NGF: variants seen among roughly 807,000 people sequenced by gnomAD.
The protein encoded by NGF is nerve growth factor, also known as beta-nerve growth factor.
NGF carries 4 observed loss-of-function variants against 12.8 expected under a neutral mutation model. That is an observed-to-expected ratio of 0.31 (90% confidence interval 0.15 to 0.72). NGF has a LOEUF of 0.72. Ranked by LOEUF, NGF falls within the 30% of genes least tolerant of loss-of-function variation. The pLI is 0.69. For synonymous variants in NGF, 140 were observed against 130.0 expected (o/e 1.08, Z -0.52); for missense variants, 283 against 330.8 (o/e 0.86, Z 1.12).
At chr1:115,305,122 C>T (rs979620469) in intron 1 of NGF, among the ~76,000 whole-genome samples, 14 of 152,032 alleles carry the variant, frequency 9.2e-5, no homozygotes, top group Non-Finnish European at 1.9e-4. Context: ...TTAATTAGTC[C>T]ATTAGCATAA....
chr1:115,294,852 A>G (rs778960256), intron 1 of NGF, among the ~76,000 whole-genome samples: 2 of 152,234 alleles, frequency 1.3e-5, no homozygotes, highest in Non-Finnish European at 2.9e-5. Context: ...CCAGGTCTAC[A>G]GAGACACAGC....
At chr1:115,335,426 G>A (rs541897388) in intron 1 of NGF, among the ~76,000 whole-genome samples, 209 of 152,302 alleles carry the variant, frequency 1.4e-3, no homozygotes, top group African/African-American at 4.7e-3. Flanking sequence ...TCTCAAAATG[G>A]TCCACCACAG....
intron 2 of NGF, among the ~76,000 whole-genome samples, chr1:115,292,142 GT>G (rs913838768): frequency 1.1e-4 from 17 of 152,180 alleles, no homozygotes; most frequent in Admixed American, 7.9e-4. Flanking sequence ...ACTCTTGGGG[GT>G]TGGAGCTGGT....
At chr1:115,295,278 A>G (rs1463694156) in intron 1 of NGF, among the ~76,000 whole-genome samples, 1 of 152,180 alleles carries the variant, frequency 6.6e-6, no homozygotes, top group Non-Finnish European at 1.5e-5. Context: ...GGATGTCTCC[A>G]TTCTTCTTCC....
chr1:115,313,842 A>G (rs1654400897), intron 1 of NGF, among the ~76,000 whole-genome samples: 1 of 152,208 alleles, frequency 6.6e-6, no homozygotes, highest in South Asian at 2.1e-4. Context: ...CCATTTTTGC[A>G]AGTAGCTTTG....
At chr1:115,313,457 C>T (rs11102922) in intron 1 of NGF, among the ~76,000 whole-genome samples, 81,892 of 152,072 alleles carry the variant, frequency 0.54, 23,306 homozygotes, top group Non-Finnish European at 0.64. Flanking sequence ...TCTGCACTTG[C>T]TTTAATTTTG....
chr1:115,301,886 T>C (rs927139788), intron 1 of NGF, among the ~76,000 whole-genome samples: 1 of 152,224 alleles, frequency 6.6e-6, no homozygotes, highest in African/African-American at 2.4e-5. Flanking sequence ...GCATCTTTGC[T>C]TAAGTAATTG....
intron 1 of NGF, among the ~76,000 whole-genome samples, chr1:115,303,735 C>T (rs1473010198): frequency 1.3e-5 from 2 of 152,182 alleles, no homozygotes; most frequent in East Asian, 1.9e-4. Flanking sequence ...CCATCACTTC[C>T]AAAGGGTTAA....
At chr1:115,319,645 A>T (rs1276816748) in intron 1 of NGF, among the ~76,000 whole-genome samples, 3 of 152,220 alleles carry the variant, frequency 2.0e-5, no homozygotes, top group Non-Finnish European at 4.4e-5. Context: ...AATCATACAT[A>T]GTATGAACTC....
At chr1:115,315,461 G>A (rs1353525916) in intron 1 of NGF, among the ~76,000 whole-genome samples, 1 of 152,152 alleles carries the variant, frequency 6.6e-6, no homozygotes, top group Admixed American at 6.5e-5. Flanking sequence ...AGGAGTGAGG[G>A]AACAGGGGGA....
chr1:115,301,738 C>T (rs573491574), intron 1 of NGF, among the ~76,000 whole-genome samples: 9 of 152,298 alleles, frequency 5.9e-5, no homozygotes, highest in African/African-American at 1.4e-4. Context: ...CAAACTGAAA[C>T]GTTTGTTTTT....
At chr1:115,321,748 C>A (rs956292900) in intron 1 of NGF, among the ~76,000 whole-genome samples, 2 of 152,096 alleles carry the variant, frequency 1.3e-5, no homozygotes, top group African/African-American at 4.8e-5. Context: ...GCCTGACAGC[C>A]AGCTCTGTAG....
rs1384618405 is a variant in NGF at position 115,286,503 on chromosome 1, G to A, written c.293C>T (p.Ala98Val). The A allele has an allele frequency of 6.2e-7, 1 of 1,614,174 alleles. No individual in the cohort carries two copies. Among genetic ancestry groups the A allele is most frequent in the South Asian group, 1.1e-5 (1 of 91,072 alleles). ...LFSTQPPREA[A>V]DTQDLDFEVG... ...CTCGAAGTCCAGATCCTGAGTGTCTGCAGCTTCACGGGGAGGCTGGGTGCT... is the reference window on the plus strand; with the variant it reads ...CTCGAAGTCCAGATCCTGAGTGTCTACAGCTTCACGGGGAGGCTGGGTGCT... Residue 98 changes from alanine (A) to valine (V), a missense_variant, in exon 3 of 3, where the codon GCA (alanine) becomes GTA (valine). Physicochemically the swap from Ala to Val is moderately conservative, Grantham distance 64. Around this residue, in one of 2 missense-constraint regions of NGF, gnomAD observed 151 missense variants for 141.6 expected, o/e 1.07. Coordinates refer to ENST00000369512, the MANE Select transcript of NGF (RefSeq NM_002506.3).
At chr1:115,322,527 C>G (rs370877044) in intron 1 of NGF, among the ~76,000 whole-genome samples, 2 of 152,118 alleles carry the variant, frequency 1.3e-5, no homozygotes, top group South Asian at 2.1e-4. Flanking sequence ...ACTGTCCCCC[C>G]CTAAATTGTG....
At chr1:115,337,945 G>A (rs1557951250) in intron 1 of NGF, among the ~76,000 whole-genome samples, 1 of 152,340 alleles carries the variant, frequency 6.6e-6, no homozygotes, top group East Asian at 1.9e-4. Context: ...CTGGACTGCA[G>A]GCCATCCTGG....
At chr1:115,314,251 A>G (rs532199254) in intron 1 of NGF, among the ~76,000 whole-genome samples, 2 of 152,170 alleles carry the variant, frequency 1.3e-5, no homozygotes, top group Admixed American at 6.5e-5. Context: ...CTTGGATCCA[A>G]TCGACCCTTC....
At position 115,286,622 on chromosome 1, in the gene NGF, C is replaced by T. The variant is rs147326889; in HGVS notation, c.174G>A (p.Ala58=). 43 of 1,614,236 alleles carry T rather than the reference C, an allele frequency of 2.7e-5. 1 individual carries two copies. The Middle Eastern group carries it at 1.8e-3, about 68-fold the overall frequency. The change falls in exon 3 of 3, where the codon GCG becomes GCA. Residue 58 remains alanine (A), a synonymous_variant. Transcript: ENST00000369512. ...LRRARSAPAA[A]IAARVAGQTR... ...TCTGCCCCGCCACGCGTGCAGCTAT[C>T]GCCGCTGCCGGGGCGCTGCGGGCTC...
At position 115,286,621 on chromosome 1, in the gene NGF, T is replaced by C; in HGVS notation, c.175A>G (p.Ile59Val). ...GTCTGCCCCGCCACGCGTGCAGCTA[T>C]CGCCGCTGCCGGGGCGCTGCGGGCT... ...RRARSAPAAA[I>V]AARVAGQTRN... Residue 59 changes from isoleucine (I) to valine (V), a missense_variant, in exon 3 of 3, where the codon ATA becomes GTA. By Grantham distance (29) the Ile-to-Val change is conservative. Around this residue, in one of 2 missense-constraint regions of NGF, gnomAD observed 151 missense variants for 141.6 expected, o/e 1.07. Coordinates refer to ENST00000369512, the MANE Select transcript of NGF (RefSeq NM_002506.3). 1 of 1,614,206 alleles carries C rather than the reference T, an allele frequency of 6.2e-7. No individual in the cohort carries two copies. Among genetic ancestry groups the C allele is most frequent in the South Asian group, 1.1e-5 (1 of 91,082 alleles).
chr1:115,305,564 A>T (rs903689498), intron 1 of NGF, among the ~76,000 whole-genome samples: 1 of 152,186 alleles, frequency 6.6e-6, no homozygotes, highest in African/African-American at 2.4e-5. Context: ...GATTGCTTTT[A>T]AAAAATCAGC....
Sources: allele counts gnomAD v4.1 joint callset (sites outside exome capture counted in the v4.1 genomes callset), GRCh38; gene constraint gnomAD v4.1.1; regional missense constraint gnomAD v4.1.1; transcripts MANE v1.5; gene names NCBI Gene and HGNC (gene_info 2026-07-23, HGNC 2026-07-21).